The following CAMK2D variants were observed in gnomAD, a reference collection of about 807,000 sequenced individuals.
CAMK2D encodes calcium/calmodulin dependent protein kinase II delta.
Under a neutral mutation model 84.0 loss-of-function variants are expected in CAMK2D, and 37 were observed. The observed-to-expected ratio is 0.44, with a 90% CI of 0.34 to 0.58. The LOEUF (loss-of-function observed/expected upper bound fraction) is 0.58, where lower values mean the gene tolerates loss of function less well. Ranked by LOEUF, CAMK2D falls within the 20% of genes least tolerant of loss-of-function variation. CAMK2D has a pLI of 0.02. For synonymous variants in CAMK2D, 202 were observed against 212.5 expected, an observed-to-expected ratio of 0.95 and a Z score of 0.43; for missense variants, 448 against 652.5, an observed-to-expected ratio of 0.69 and a Z score of 3.41.
Position 113,760,996 on chromosome 4 carries a change from G to A in CAMK2D, c.65+8C>T, listed in dbSNP as rs371281788. ...GGGGATATGCGGATGCCGGGCAAAG[G>A]TGCTTACTTTCCAAGCTCCTCGAAA... On this transcript the variant is annotated splice_region_variant and intron_variant, in intron 1 of 20. Transcript: ENST00000511664. The A allele has an allele frequency of 1.2e-6, 2 of 1,614,154 alleles. No individual in the cohort carries two copies. The highest frequency in any genetic ancestry group is 8.5e-7 in the Non-Finnish European group (1 of 1,180,022).
At chr4:113,706,231 C>G (rs139181995) in intron 2 of CAMK2D, among the ~76,000 whole-genome samples, 1 of 152,218 alleles carries the variant, frequency 6.6e-6, no homozygotes, top group African/African-American at 2.4e-5. Flanking sequence ...CTGTACAGCA[C>G]TTACTGAATG....
At chr4:113,748,616 A>T (rs1323267722) in intron 2 of CAMK2D, among the ~76,000 whole-genome samples, 1 of 152,124 alleles carries the variant, frequency 6.6e-6, no homozygotes, top group East Asian at 1.9e-4. Flanking sequence ...GTGAAGTATA[A>T]TTCACTTATT....
chr4:113,596,078 T>C (rs2098924907), intron 4 of CAMK2D, among the ~76,000 whole-genome samples: 1 of 152,224 alleles, frequency 6.6e-6, no homozygotes, highest in African/African-American at 2.4e-5. Flanking sequence ...ATATTCTAAA[T>C]CCTTTGTTGT....
chr4:113,751,630 C>T (rs763470770), intron 2 of CAMK2D, among the ~76,000 whole-genome samples: 40 of 151,894 alleles, frequency 2.6e-4, no homozygotes, highest in Non-Finnish European at 4.4e-4. Flanking sequence ...ATTAGCCAGG[C>T]GTGGTGGCAC....
intron 2 of CAMK2D, among the ~76,000 whole-genome samples, chr4:113,747,850 G>GA (rs1204040992): frequency 5.3e-5 from 8 of 152,034 alleles, no homozygotes; most frequent in African/African-American, 1.7e-4. Context: ...TTCGTTGGAA[G>GA]AAAAAACTCC....
At chr4:113,548,596 C>A (rs1042035799) in intron 5 of CAMK2D, 1 of 828,854 alleles carries the variant, frequency 1.2e-6, no homozygotes, top group South Asian at 1.5e-5. Context: ...ACCCTCTGCC[C>A]TTTCCCCAGA....
chr4:113,493,494 GT>G (rs1181143932), intron 16 of CAMK2D, among the ~76,000 whole-genome samples: 2 of 152,162 alleles, frequency 1.3e-5, no homozygotes, highest in African/African-American at 4.8e-5. Context: ...GGCTTGTAGG[GT>G]TTCTGCCGAG....
At chr4:113,617,905 G>A (rs1189377165) in intron 3 of CAMK2D, among the ~76,000 whole-genome samples, 1 of 66,014 alleles carries the variant, frequency 1.5e-5, no homozygotes, top group African/African-American at 9.4e-5. Flanking sequence ...ACTTTTGCTT[G>A]GGTCATACAC....
intron 2 of CAMK2D, among the ~76,000 whole-genome samples, chr4:113,688,333 T>G (rs774432307): frequency 4.5e-4 from 69 of 152,212 alleles, no homozygotes; most frequent in Non-Finnish European, 8.5e-4. Context: ...GAAGGTGCAT[T>G]CACCTTTCTA....
At chr4:113,496,103 G>A (rs759634581) in intron 16 of CAMK2D, among the ~76,000 whole-genome samples, 35 of 152,284 alleles carry the variant, frequency 2.3e-4, no homozygotes, top group African/African-American at 4.8e-4. Flanking sequence ...ACCAAAGGAC[G>A]GTCTTCACAT....
chr4:113,618,978 G>T (rs2099033400), intron 3 of CAMK2D, among the ~76,000 whole-genome samples: 1 of 152,172 alleles, frequency 6.6e-6, no homozygotes, highest in Admixed American at 6.6e-5. Context: ...AATCAAGGAA[G>T]TTATAATGAA....
chr4:113,740,652 C>G (rs1264567709), intron 2 of CAMK2D, among the ~76,000 whole-genome samples: 1 of 152,110 alleles, frequency 6.6e-6, no homozygotes, highest in Non-Finnish European at 1.5e-5. Flanking sequence ...TAGTAGTCAT[C>G]TACTATGAGA....
In CAMK2D at chr4:113,702,910, T is replaced by C. The variant is rs573909891; in HGVS notation, c.161-41138A>G. Among the ~76,000 whole-genome samples the C allele has an allele frequency of 2.1e-4, 32 of 152,204 alleles. 2 individuals are homozygous for C. The highest frequency in any genetic ancestry group is 1.6e-3 in the Admixed American group (25 of 15,276). On this transcript the variant is annotated intron_variant, in intron 2 of 20. Transcript: ENST00000511664. ...CGAGACTCTTATCTTAAAATATATA[T>C]ATATACATAAGTGATTTTACATTCA...
In CAMK2D at chr4:113,561,450, G is replaced by C. The variant is rs142254024; in HGVS notation, c.276-9354C>G. On this transcript the variant is annotated intron_variant, in intron 4 of 20. Coordinates refer to ENST00000511664, the MANE Select transcript of CAMK2D (RefSeq NM_001321571.2). ...GATCACACCACTGCACTTCAGCCTGGGAGACAGGGCTAGACCCTGTCTCTT... is the reference window on the plus strand; with the variant it reads ...GATCACACCACTGCACTTCAGCCTGCGAGACAGGGCTAGACCCTGTCTCTT... Among the ~76,000 whole-genome samples, 697 of 152,228 alleles carry C rather than the reference G, an allele frequency of 4.6e-3. 9 individuals are homozygous for C. Among genetic ancestry groups the C allele is most frequent in the Admixed American group, 6.2e-3 (95 of 15,288 alleles).
intron 3 of CAMK2D, among the ~76,000 whole-genome samples, chr4:113,632,060 A>G (rs2099091888): frequency 6.6e-6 from 1 of 152,168 alleles, no homozygotes; most frequent in South Asian, 2.1e-4. Context: ...TTGGCTTAAG[A>G]AGTTACAGGC....
intron 3 of CAMK2D, among the ~76,000 whole-genome samples, chr4:113,652,637 A>G (rs976715011): frequency 6.6e-6 from 1 of 152,110 alleles, no homozygotes; most frequent in East Asian, 1.9e-4. Flanking sequence ...CATGTTTGGG[A>G]TTATTTTTCT....
chr4:113,586,383 T>C (rs574567334), intron 4 of CAMK2D, among the ~76,000 whole-genome samples: 7 of 152,256 alleles, frequency 4.6e-5, no homozygotes, highest in South Asian at 4.1e-4. Flanking sequence ...TGAGCAACAT[T>C]TGAAACCAGG....
chr4:113,705,180 AGC>A (rs1410789048), intron 2 of CAMK2D, among the ~76,000 whole-genome samples: 2 of 150,512 alleles, frequency 1.3e-5, no homozygotes, highest in African/African-American at 4.9e-5. Context: ...AAAAAAAATT[AGC>A]CGGGCGTGGA....
chr4:113,578,135 A>C lies in CAMK2D; in HGVS notation c.276-26039T>G, dbSNP rs550232997. Among the ~76,000 whole-genome samples, 15 of 152,318 alleles carry C rather than the reference A, an allele frequency of 9.8e-5. No individual in the cohort carries two copies. The South Asian group carries it at 2.7e-3, about 27-fold the overall frequency. On this transcript the variant is annotated intron_variant, in intron 4 of 20. Coordinates refer to ENST00000511664, the MANE Select transcript of CAMK2D (RefSeq NM_001321571.2). ...AGGGTTCAACCCACTTCATTGAAGA[A>C]AGATATTCTGTTCCCAAGGAACAGT...
Sources: allele counts gnomAD v4.1 joint callset (sites outside exome capture counted in the v4.1 genomes callset), GRCh38; gene constraint gnomAD v4.1.1; transcripts MANE v1.5; gene names NCBI Gene and HGNC (gene_info 2026-07-23, HGNC 2026-07-21).